Variants in ACSL3 observed in about 807,000 individuals in gnomAD.
ACSL3 encodes the protein fatty acid CoA ligase Acsl3.
ACSL3 carries 34 observed loss-of-function variants against 84.7 expected under a neutral mutation model. The ratio of observed to expected loss-of-function variants is 0.40; its 90% CI spans 0.31 to 0.53. The LOEUF (loss-of-function observed/expected upper bound fraction) is 0.53. ACSL3 is among the 20% of genes least tolerant of loss of function. The probability of loss-of-function intolerance (pLI) is 0.48; values close to 1 mark genes in which losing one functional copy is unlikely to be tolerated. For missense variants in ACSL3, 680 were observed against 873.1 expected (o/e 0.78, Z 2.79); for synonymous variants, 315 against 299.4 (o/e 1.05, Z -0.54).
chr2:222,911,131 C>T (rs1326226325), intron 4 of ACSL3, among the ~76,000 whole-genome samples: 3 of 151,302 alleles, frequency 2.0e-5, no homozygotes, highest in Non-Finnish European at 2.9e-5. Flanking sequence ...CTCACCGCAA[C>T]GTCCGCCTTC....
chr2:222,902,796 A>G (rs1696185142), intron 3 of ACSL3, among the ~76,000 whole-genome samples: 1 of 152,230 alleles, frequency 6.6e-6, no homozygotes, highest in South Asian at 2.1e-4. Flanking sequence ...ATGAGGCACA[A>G]ATTCCTGGTG....
chr2:222,934,823 A>G, intron 16 of ACSL3, 136 bp downstream of exon 16: 2 of 849,578 alleles, frequency 2.4e-6, no homozygotes, highest in Non-Finnish European at 3.5e-6. Context: ...TGGAAGAGTA[A>G]ACTTATCAGT....
Position 222,877,655 on chromosome 2 carries a change from G to A in ACSL3, c.-206-10175G>A, listed in dbSNP as rs1695484260. 2.0e-5 allele frequency among the ~76,000 whole-genome samples: 3 copies of A among 152,168 alleles called. No individual in the cohort carries two copies. In the South Asian group the frequency reaches 6.2e-4, roughly 32 times the overall value. ...GTTTCTGGGGAGAATGGTGGACATAGTGTAAAACTGGCATATGTAATGCCT... is the reference window on the plus strand; with the variant it reads ...GTTTCTGGGGAGAATGGTGGACATAATGTAAAACTGGCATATGTAATGCCT... On this transcript the variant is annotated intron_variant, in intron 1 of 16. Transcript: ENST00000357430.
At chr2:222,883,721 CTCCTTGT>C (rs1695651202) in intron 1 of ACSL3, among the ~76,000 whole-genome samples, 1 of 151,510 alleles carries the variant, frequency 6.6e-6, no homozygotes, top group African/African-American at 2.4e-5. Context: ...ATTTCTGGAA[CTCCTTGT>C]AATGGAACTT....
chr2:222,941,491 T>C lies in ACSL3; in HGVS notation c.2006-6T>C. Reference sequence around the variant, plus strand: ...TTCTTCTTTTCTTTTTTTTTAATCATCTTAGCAAGTCTGGAAAAGTTTGAA... The same window carrying C: ...TTCTTCTTTTCTTTTTTTTTAATCACCTTAGCAAGTCTGGAAAAGTTTGAA... On this transcript the variant is annotated splice_region_variant and splice_polypyrimidine_tract_variant and intron_variant, in intron 16 of 16. Coordinates refer to ENST00000357430, the MANE Select transcript of ACSL3 (RefSeq NM_004457.5). 6.3e-7 allele frequency: 1 copy of C among 1,583,382 alleles called. No homozygotes were observed. The highest frequency in any genetic ancestry group is 1.7e-4 in the Middle Eastern group (1 of 5,932).
intron 1 of ACSL3, among the ~76,000 whole-genome samples, chr2:222,878,704 CA>C (rs1695518764): frequency 1.3e-5 from 2 of 152,184 alleles, no homozygotes; most frequent in Non-Finnish European, 2.9e-5. Context: ...TGGTCTTTCC[CA>C]CAAACTTAAC....
intron 4 of ACSL3, among the ~76,000 whole-genome samples, chr2:222,910,158 T>G (rs1696406893): frequency 6.6e-6 from 1 of 152,222 alleles, no homozygotes; most frequent in Non-Finnish European, 1.5e-5. Flanking sequence ...AGGAAAATTA[T>G]AGTAGAAAAT....
chr2:222,929,662 C>G (rs13413471), intron 13 of ACSL3, among the ~76,000 whole-genome samples: 1 of 151,524 alleles, frequency 6.6e-6, no homozygotes, highest in Non-Finnish European at 1.5e-5. Context: ...CCTGTAATTC[C>G]AGCTACTCGG....
rs192534333 is a variant in ACSL3, at chr2:222,872,506, C to T, written c.-207+11248C>T. Among the ~76,000 whole-genome samples the T allele has an allele frequency of 5.3e-3, 814 of 152,222 alleles. 8 individuals are homozygous for T. Among genetic ancestry groups the T allele is most frequent in the Middle Eastern group, 0.034 (10 of 294 alleles). ...TTCTTAACATCTGTCATCCATCCAT[C>T]TGTTTGTCTATCGGTGTGATGGATG... On this transcript the variant is annotated intron_variant, in intron 1 of 16. Coordinates refer to ENST00000357430, the MANE Select transcript of ACSL3 (RefSeq NM_004457.5).
chr2:222,938,476 A>G (rs1697229153), intron 16 of ACSL3, among the ~76,000 whole-genome samples: 2 of 152,160 alleles, frequency 1.3e-5, no homozygotes, highest in Non-Finnish European at 2.9e-5. Flanking sequence ...TTTGAATACT[A>G]CTATTTTCTA....
rs1247560287 is a variant in ACSL3, at chr2:222,872,378, G to C, written c.-207+11120G>C. Among the ~76,000 whole-genome samples, 7 of 152,022 alleles carry C rather than the reference G, an allele frequency of 4.6e-5. No homozygotes were observed. The East Asian group carries it at 1.3e-3, about 29-fold the overall frequency. On this transcript the variant is annotated intron_variant, in intron 1 of 16. Transcript: ENST00000357430. Reference sequence around the variant, plus strand: ...TGACCTCAGGTGATCCTCCTGCCTCGGTCTTCCAAACTGCTGGGATTACAG... The same window carrying C: ...TGACCTCAGGTGATCCTCCTGCCTCCGTCTTCCAAACTGCTGGGATTACAG...
intron 15 of ACSL3, chr2:222,933,714 G>A (rs1445826297): frequency 6.5e-6 from 1 of 153,396 alleles, no homozygotes; most frequent in Non-Finnish European, 1.5e-5. Context: ...GGGCTCCTAT[G>A]TAAGCTGTGT....
chr2:222,888,306 G>T (rs1156795550), intron 2 of ACSL3, among the ~76,000 whole-genome samples: 1 of 152,148 alleles, frequency 6.6e-6, no homozygotes, highest in African/African-American at 2.4e-5. Context: ...GTTCTGCATG[G>T]TTATTACAGT....
chr2:222,937,047 C>T (rs1157030158), intron 16 of ACSL3, among the ~76,000 whole-genome samples: 2 of 152,092 alleles, frequency 1.3e-5, no homozygotes, highest in Non-Finnish European at 2.9e-5. Context: ...GGGTGGGGAC[C>T]CAGAACTAAA....
chr2:222,921,569 A>G, intron 8 of ACSL3, 139 bp downstream of exon 8: 1 of 796,452 alleles, frequency 1.3e-6, no homozygotes, highest in Non-Finnish European at 1.8e-6. Context: ...AAAAAATAAA[A>G]AAGGACATTA....
chr2:222,920,981 A>G, intron 7 of ACSL3: 1 of 515,302 alleles, frequency 1.9e-6, no homozygotes, highest in Non-Finnish European at 3.9e-6. Flanking sequence ...GCTAAACGAA[A>G]CTCTACAGAG....
intron 1 of ACSL3, among the ~76,000 whole-genome samples, chr2:222,879,180 T>C (rs1695530962): frequency 6.6e-6 from 1 of 152,114 alleles, no homozygotes; most frequent in South Asian, 2.1e-4. Flanking sequence ...TAGCCGGGCA[T>C]GGTGGCGGGC....
intron 1 of ACSL3, among the ~76,000 whole-genome samples, chr2:222,868,997 C>T (rs1695227088): frequency 1.3e-5 from 2 of 151,614 alleles, no homozygotes; most frequent in Admixed American, 1.3e-4. Flanking sequence ...TAGGATTTAT[C>T]GTGTTTCAAT....
At chr2:222,914,233 ACGTGTGTG>A (rs1696517384) in intron 4 of ACSL3, among the ~76,000 whole-genome samples, 1 of 95,796 alleles carries the variant, frequency 1.0e-5, no homozygotes, top group African/African-American at 4.1e-5. Context: ...GTGTGTGTGT[ACGTGTGTG>A]TGTGTGTGTG....
Sources: gnomAD v4.1 joint callset for allele counts (sites outside exome capture counted in the v4.1 genomes callset) on GRCh38, gnomAD v4.1.1 for gene constraint, MANE v1.5 for transcripts, NCBI Gene and HGNC (gene_info 2026-07-23, HGNC 2026-07-21) for gene names.